Variants in REEP5 observed in about 807,000 individuals in gnomAD.
REEP5 encodes the protein receptor accessory protein 5, also known as receptor expression-enhancing protein 5.
REEP5 carries 24 observed loss-of-function variants against 22.4 expected under a neutral mutation model. That is an observed-to-expected ratio of 1.07 (90% CI 0.78 to 1.51). The LOEUF (loss-of-function observed/expected upper bound fraction) is 1.51. Among genes scored for constraint, REEP5 ranks in the 40% most tolerant of loss-of-function variants. The pLI is 0.00. For missense variants in REEP5, 252 were observed against 233.0 expected, an observed-to-expected ratio of 1.08 and a Z score of -0.53; for synonymous variants, 103 against 88.6, an observed-to-expected ratio of 1.16 and a Z score of -0.92.
intron 2 of REEP5, among the ~76,000 whole-genome samples, chr5:112,911,864 T>C (rs1453312799): frequency 6.6e-6 from 1 of 152,120 alleles, no homozygotes; most frequent in African/African-American, 2.4e-5. Context: ...AATGATGTCT[T>C]AAGCTGATTT....
intron 4 of REEP5, 148 bp from the exon 5 acceptor site, chr5:112,878,983 G>A (rs1767982989): frequency 8.2e-7 from 1 of 1,217,432 alleles, no homozygotes; most frequent in Non-Finnish European, 1.1e-6. Context: ...TTTGTGGTCT[G>A]GGCTAAGAGG....
rs1769386727 is a variant in REEP5, at chr5:112,922,093, T to A, written c.98A>T (p.Asn33Ile). The change falls in exon 1 of 5, where the codon AAC becomes ATC. Residue 33 changes from asparagine to isoleucine, a missense_variant. Transcript: ENST00000379638. The stretch of plus-strand genomic sequence containing the variant: ...CCCACCAAGAGCGATGAAGCTCCTG[T>A]TCACGCCGGTTTTGGCCTCGAGCTT... ...LAKLEAKTGVNRSFIALGVIG... is the reference protein window; with the variant it reads ...LAKLEAKTGVIRSFIALGVIG... The A allele has an allele frequency of 1.2e-6, 2 of 1,603,510 alleles. No individual in the cohort carries two copies. Among genetic ancestry groups the A allele is most frequent in the East Asian group, 4.6e-5 (2 of 43,682 alleles).
intron 2 of REEP5, among the ~76,000 whole-genome samples, chr5:112,907,294 G>A (rs1037240660): frequency 6.6e-6 from 1 of 152,130 alleles, no homozygotes; most frequent in East Asian, 1.9e-4. Flanking sequence ...ACTGATCCTG[G>A]GCTCAGAACT....
intron 4 of REEP5, among the ~76,000 whole-genome samples, chr5:112,884,187 T>C (rs1192477435): frequency 2.6e-5 from 4 of 152,118 alleles, no homozygotes; most frequent in East Asian, 1.9e-4. Flanking sequence ...ACATCTCACA[T>C]AGAGTAGAAG....
intron 2 of REEP5, among the ~76,000 whole-genome samples, chr5:112,914,567 G>A (rs956693998): frequency 3.9e-5 from 6 of 152,166 alleles, no homozygotes; most frequent in African/African-American, 1.4e-4. Flanking sequence ...AAGAGCAGAT[G>A]CAAATCCCAC....
At chr5:112,899,201 C>T (rs946409978) in intron 3 of REEP5, among the ~76,000 whole-genome samples, 1 of 151,806 alleles carries the variant, frequency 6.6e-6, no homozygotes, top group African/African-American at 2.4e-5. Flanking sequence ...ACCTCAGCCT[C>T]CTGAGCAGAT....
chr5:112,881,600 G>C (rs1768076954), intron 4 of REEP5, among the ~76,000 whole-genome samples: 1 of 152,022 alleles, frequency 6.6e-6, no homozygotes, highest in Admixed American at 6.6e-5. Flanking sequence ...AAATGGATCT[G>C]GTAGGTGTTG....
intron 4 of REEP5, among the ~76,000 whole-genome samples, chr5:112,879,656 T>C (rs1027460999): frequency 2.0e-5 from 3 of 151,952 alleles, no homozygotes; most frequent in African/African-American, 7.2e-5. Context: ...TTTTGTATTT[T>C]TAGTAGAGAT....
rs1422098621 is a variant in REEP5 at position 112,906,538 on chromosome 5, T to A, written c.213-4020A>T. On this transcript the variant is annotated intron_variant, in intron 2 of 4. Transcript: ENST00000379638. ...AGCAGAAAAATAGGAGGCAGGGTCA[T>A]AGTCTCAGTGTCCAGATCCCTGGAG... 3.9e-5 allele frequency among the ~76,000 whole-genome samples: 6 copies of A among 152,240 alleles called. 1 individual carries two copies. In the South Asian group the frequency reaches 1.2e-3, roughly 32 times the overall value.
At chr5:112,879,343 G>C (rs549902631) in intron 4 of REEP5, among the ~76,000 whole-genome samples, 40 of 148,328 alleles carry the variant, frequency 2.7e-4, no homozygotes, top group African/African-American at 9.8e-4. Context: ...GGGGCTGGGG[G>C]GGCGGTGGGG....
At chr5:112,912,645 A>T (rs1769129755) in intron 2 of REEP5, among the ~76,000 whole-genome samples, 1 of 152,118 alleles carries the variant, frequency 6.6e-6, no homozygotes, top group South Asian at 2.1e-4. Flanking sequence ...AATATGAAGA[A>T]CATGGACCAT....
intron 4 of REEP5, chr5:112,885,726 G>T (rs747686266): frequency 8.7e-5 from 26 of 300,092 alleles, no homozygotes; most frequent in Middle Eastern, 5.6e-4. Flanking sequence ...TATCAGCCAA[G>T]CTTGAAGCTA....
intron 4 of REEP5, among the ~76,000 whole-genome samples, chr5:112,881,214 C>G (rs1680780357): frequency 6.8e-6 from 1 of 146,884 alleles, no homozygotes; most frequent in Admixed American, 6.8e-5. Flanking sequence ...AAAACATATT[C>G]AAGTAGACTG....
At chr5:112,908,723 T>G (rs1370233273) in intron 2 of REEP5, among the ~76,000 whole-genome samples, 1 of 151,750 alleles carries the variant, frequency 6.6e-6, no homozygotes, top group African/African-American at 2.4e-5. Flanking sequence ...GCCAGCTAAT[T>G]TTTTGTATTT....
intron 3 of REEP5, chr5:112,898,209 C>G (rs970267744): frequency 5.3e-5 from 8 of 152,250 alleles, no homozygotes; most frequent in African/African-American, 1.9e-4. Context: ...AGACGAGACT[C>G]TGCAATTCAG....
At position 112,911,828 on chromosome 5, in the gene REEP5, A is replaced by G. The variant is rs1195374488; in HGVS notation, c.213-9310T>C. 6.6e-5 allele frequency among the ~76,000 whole-genome samples: 10 copies of G among 152,312 alleles called. No homozygotes were observed. In the South Asian group the frequency reaches 2.1e-3, roughly 32 times the overall value. On this transcript the variant is annotated intron_variant, in intron 2 of 4. Coordinates refer to ENST00000379638, the MANE Select transcript of REEP5 (RefSeq NM_005669.5). ...CATATTTTTAACTTGGAAGAACAAA[A>G]CTTTACTGTGTTTTATTCTTTGAAT... is the stretch of plus-strand genomic sequence containing the variant.
chr5:112,886,005 C>T (rs1438284411), intron 4 of REEP5, among the ~76,000 whole-genome samples: 1 of 152,202 alleles, frequency 6.6e-6, no homozygotes, highest in African/African-American at 2.4e-5. Flanking sequence ...TATGAGGGCT[C>T]CCCTTTCCCC....
intron 4 of REEP5, 132 bp from the exon 5 acceptor site, chr5:112,878,967 T>C: frequency 7.1e-7 from 1 of 1,414,360 alleles, no homozygotes; most frequent in Non-Finnish European, 9.7e-7. Context: ...TGCGATCATG[T>C]TGGGGTTTGT....
intron 2 of REEP5, among the ~76,000 whole-genome samples, chr5:112,911,897 G>C (rs1161419290): frequency 2.0e-5 from 3 of 151,826 alleles, no homozygotes; most frequent in Non-Finnish European, 2.9e-5. Context: ...AAAATAATAA[G>C]ACAAGGAACA....
Sources: allele counts gnomAD v4.1 joint callset (sites outside exome capture counted in the v4.1 genomes callset), GRCh38; gene constraint gnomAD v4.1.1; transcripts MANE v1.5; gene names NCBI Gene and HGNC (gene_info 2026-07-23, HGNC 2026-07-21).